DOCK10: variants seen among roughly 807,000 people sequenced by gnomAD.
DOCK10 encodes dedicator of cytokinesis 10.
Under a neutral mutation model 280.1 loss-of-function variants are expected in DOCK10, and 145 were observed. The observed-to-expected ratio is 0.52, with a 90% CI of 0.45 to 0.59. DOCK10 has a LOEUF of 0.59. Ranked by LOEUF, DOCK10 falls within the 20% of genes least tolerant of loss-of-function variation. The probability of loss-of-function intolerance (pLI) is 0.00; values close to 1 mark genes in which losing one functional copy is unlikely to be tolerated. For synonymous variants in DOCK10, 915 were observed against 942.2 expected, an observed-to-expected ratio of 0.97 and a Z score of 0.53; for missense variants, 2,368 against 2,651.7, an observed-to-expected ratio of 0.89 and a Z score of 2.35.
intron 2 of DOCK10, among the ~76,000 whole-genome samples, chr2:224,924,417 G>C (rs775440570): frequency 4.3e-4 from 65 of 152,080 alleles, no homozygotes; most frequent in Non-Finnish European, 7.4e-4. Context: ...CTATGGATTT[G>C]CCTATTTTGA....
At chr2:225,027,797 T>C (rs1047116840) in intron 1 of DOCK10, among the ~76,000 whole-genome samples, 2 of 152,230 alleles carry the variant, frequency 1.3e-5, no homozygotes, top group Non-Finnish European at 2.9e-5. Flanking sequence ...TCTCAGGTAT[T>C]TCTTTATAGC....
intron 38 of DOCK10, among the ~76,000 whole-genome samples, 180 bp downstream of exon 38, chr2:224,804,614 A>G (rs1693261548): frequency 6.6e-6 from 1 of 152,146 alleles, no homozygotes; most frequent in Non-Finnish European, 1.5e-5. Context: ...CTATTCCTAG[A>G]TCTACAATGC....
At chr2:224,989,561 G>A (rs1407063632) in intron 1 of DOCK10, among the ~76,000 whole-genome samples, 1 of 152,156 alleles carries the variant, frequency 6.6e-6, no homozygotes, top group African/African-American at 2.4e-5. Context: ...GAAAGTGGCA[G>A]GGGATTTTGC....
rs1690398854 is a variant in DOCK10 at position 224,770,928 on chromosome 2, A to G, written c.6205-283T>C. Among the ~76,000 whole-genome samples the G allele has an allele frequency of 6.7e-6, 1 of 149,544 alleles. No homozygotes were observed. The highest frequency in any genetic ancestry group is 2.1e-4 in the South Asian group (1 of 4,716). ...ATATCTGTACGTTGCTTGAACTACT[A>G]TTTTTTTCTTTCTTTTTTTCTTTGT... On this transcript the variant is annotated intron_variant, in intron 53 of 55. Transcript: ENST00000258390. The surrounding 1 kb of genome is among the most constrained non-coding windows in gnomAD (Gnocchi z 4.5).
intron 1 of DOCK10, among the ~76,000 whole-genome samples, chr2:225,036,105 C>T (rs922927483): frequency 2.0e-5 from 3 of 152,126 alleles, no homozygotes; most frequent in East Asian, 1.9e-4. Context: ...GAGCAACATT[C>T]GCCTCACTCT....
Position 224,989,750 on chromosome 2 carries a change from G to C in DOCK10, c.123+52502C>G, listed in dbSNP as rs1575152196. Among the ~76,000 whole-genome samples the C allele has an allele frequency of 2.0e-5, 3 of 152,294 alleles. No individual in the cohort carries two copies. In the South Asian group the frequency reaches 6.2e-4, roughly 32 times the overall value. ...GCTGAAAAGTGGAAAACACAACCCA[G>C]TGAAGTCATTCTTCCTAGGACCCAG... On this transcript the variant is annotated intron_variant, in intron 1 of 55. Coordinates refer to ENST00000258390, the MANE Select transcript of DOCK10 (RefSeq NM_014689.3).
At chr2:224,898,760 T>C (rs1559699410) in intron 3 of DOCK10, among the ~76,000 whole-genome samples, 1 of 152,156 alleles carries the variant, frequency 6.6e-6, no homozygotes, top group Non-Finnish European at 1.5e-5. Flanking sequence ...GTATTTTTAG[T>C]AGAGACGGGG....
At position 225,033,813 on chromosome 2, in the gene DOCK10, T is replaced by C. The variant is rs546320616; in HGVS notation, c.123+8439A>G. Among the ~76,000 whole-genome samples the C allele has an allele frequency of 4.6e-5, 7 of 152,326 alleles. No individual in the cohort carries two copies. In the South Asian group the frequency reaches 1.4e-3, roughly 32 times the overall value. On this transcript the variant is annotated intron_variant, in intron 1 of 55. Coordinates refer to ENST00000258390, the MANE Select transcript of DOCK10 (RefSeq NM_014689.3). ...AGACTACAAGAGACAATGTAACAGA[T>C]GTAATGTTGCAACCCAACCACGCCC...
chr2:224,765,890 T>C, intron 55 of DOCK10, 53 bp from the exon 56 acceptor site: 1 of 1,366,066 alleles, frequency 7.3e-7, no homozygotes, highest in Admixed American at 2.0e-5. Context: ...AATGTTAATA[T>C]CCCAAACACA....
At chr2:224,838,280 GC>G (rs1695722279) in intron 24 of DOCK10, among the ~76,000 whole-genome samples, 2 of 152,314 alleles carry the variant, frequency 1.3e-5, no homozygotes, top group African/African-American at 4.8e-5. Flanking sequence ...CACTATATAT[GC>G]TTTTGGAAAA....
intron 3 of DOCK10, 36 bp downstream of exon 3, chr2:224,916,659 A>T (rs1351007057): frequency 4.0e-6 from 6 of 1,484,524 alleles, no homozygotes; most frequent in Non-Finnish European, 5.5e-6. Context: ...AAAAAGCAAA[A>T]GCCTTAAAAT....
At chr2:224,926,764 CTT>C (rs1176118888) in intron 2 of DOCK10, among the ~76,000 whole-genome samples, 1 of 152,152 alleles carries the variant, frequency 6.6e-6, no homozygotes, top group Non-Finnish European at 1.5e-5. Context: ...TCAGAAAAGC[CTT>C]TTGGTTCCTC....
intron 44 of DOCK10, among the ~76,000 whole-genome samples, chr2:224,795,321 T>C (rs773575146): frequency 1.3e-5 from 2 of 152,250 alleles, no homozygotes; most frequent in Non-Finnish European, 2.9e-5. Flanking sequence ...CAAGAACACC[T>C]TCTTCTGGTG....
intron 1 of DOCK10, among the ~76,000 whole-genome samples, chr2:225,025,849 T>C (rs974469802): frequency 6.6e-6 from 1 of 152,176 alleles, no homozygotes; most frequent in African/African-American, 2.4e-5. Flanking sequence ...CATATGCATA[T>C]ACATCTATCC....
At chr2:224,918,462 G>T (rs12995498) in intron 2 of DOCK10, among the ~76,000 whole-genome samples, 2 of 150,946 alleles carry the variant, frequency 1.3e-5, no homozygotes, top group Admixed American at 6.6e-5. Context: ...TGTTATGTGA[G>T]CATGTGTGGT....
chr2:224,920,616 AT>A (rs1701649515), intron 2 of DOCK10, among the ~76,000 whole-genome samples: 1 of 151,752 alleles, frequency 6.6e-6, no homozygotes, highest in South Asian at 2.1e-4. Flanking sequence ...TCCAGGGAAT[AT>A]TACATATTAT....
At position 224,808,054 on chromosome 2, in the gene DOCK10, A is replaced by C; in HGVS notation, c.3442T>G (p.Cys1148Gly). 1 of 1,612,556 alleles carries C rather than the reference A, an allele frequency of 6.2e-7. No individual in the cohort carries two copies. The highest frequency in any genetic ancestry group is 8.5e-7 in the Non-Finnish European group (1 of 1,179,208). The change falls in exon 32 of 56, where the codon TGT (cysteine) becomes GGT (glycine). Residue 1148 changes from cysteine (C) to glycine (G), a missense_variant. By Grantham distance (159) the Cys-to-Gly change is radical. Around this residue, in one of 2 missense-constraint regions of DOCK10, gnomAD observed 1,159 missense variants for 1,400.8 expected, o/e 0.83. Transcript: ENST00000258390. ...ATTCCGATTAAGAAGTGTTTGCGACAAAATTCATTTGTGACTGAATATTCA... is the reference window on the plus strand; with the variant it reads ...ATTCCGATTAAGAAGTGTTTGCGACCAAATTCATTTGTGACTGAATATTCA... ...MPEYSVTNEF[C>G]RKHFLIGILL... is the part of the protein sequence containing the mutation.
chr2:224,988,913 CCT>C (rs1370709994), intron 1 of DOCK10, among the ~76,000 whole-genome samples: 1 of 152,124 alleles, frequency 6.6e-6, no homozygotes, highest in Non-Finnish European at 1.5e-5. Flanking sequence ...TAATGGGCTC[CCT>C]TTATCATTAC....
rs1222749554 is a variant in DOCK10, at chr2:224,907,013, G to C, written c.333+9682C>G. ...TGTGATCTGTAGTAACAGTAAATCAGTGGGACAAGAAATTTCTATGTAAAT... is the reference window on the plus strand; with the variant it reads ...TGTGATCTGTAGTAACAGTAAATCACTGGGACAAGAAATTTCTATGTAAAT... On this transcript the variant is annotated intron_variant, in intron 3 of 55. Coordinates refer to ENST00000258390, the MANE Select transcript of DOCK10 (RefSeq NM_014689.3). 2.6e-5 allele frequency among the ~76,000 whole-genome samples: 4 copies of C among 152,188 alleles called. No individual in the cohort carries two copies. In the East Asian group the frequency reaches 7.7e-4, roughly 29 times the overall value.
Sources: gnomAD v4.1 joint callset for allele counts (sites outside exome capture counted in the v4.1 genomes callset) on GRCh38, gnomAD v4.1.1 for gene constraint, gnomAD v4.1.1 regional missense constraint, Gnocchi (gnomAD v3.1) non-coding constraint, MANE v1.5 for transcripts, NCBI Gene and HGNC (gene_info 2026-07-23, HGNC 2026-07-21) for gene names.